The following XYLT1 variants were observed in gnomAD, a reference collection of about 807,000 sequenced individuals.
XYLT1 encodes beta-D-xylosyltransferase 1.
A neutral mutation model predicts 91.3 loss-of-function variants in XYLT1; 36 were observed. That is an observed-to-expected ratio of 0.39 (90% CI 0.30 to 0.52). The LOEUF (loss-of-function observed/expected upper bound fraction) is 0.52, where lower values mean the gene tolerates loss of function less well. XYLT1 is among the 20% of genes least tolerant of loss of function. XYLT1 has a pLI of 0.68. For missense variants in XYLT1, 1,242 were observed against 1,284.5 expected, an observed-to-expected ratio of 0.97 and a Z score of 0.51; for synonymous variants, 588 against 532.0, an observed-to-expected ratio of 1.11 and a Z score of -1.45.
chr16:17,213,821 G>A (rs762556767), intron 3 of XYLT1, among the ~76,000 whole-genome samples: 2 of 152,010 alleles, frequency 1.3e-5, no homozygotes, highest in Non-Finnish European at 2.9e-5. Flanking sequence ...TTTTCACTAT[G>A]TTGGCCAGGC....
chr16:17,246,911 G>C (rs1039251933), intron 3 of XYLT1, among the ~76,000 whole-genome samples: 14 of 152,156 alleles, frequency 9.2e-5, no homozygotes, highest in African/African-American at 3.4e-4. Context: ...ACCCCAGCAG[G>C]GAACAGGCAA....
In XYLT1 at chr16:17,108,723, G is replaced by GC. The variant is rs776911441; in HGVS notation, c.2851dup (p.Ala951GlyfsTer5). ...CCTGAGCCGGCCATCAGGTTTGACT[G>GC]CCCCCAGCTCCGACTTGGGGTCAGG... On this transcript the variant is annotated frameshift_variant, in exon 12 of 12. Transcript: ENST00000261381. LOFTEE classifies it high-confidence loss of function. The GC allele has an allele frequency of 1.3e-6, 2 of 1,588,552 alleles. No homozygotes were observed. Among genetic ancestry groups the GC allele is most frequent in the Non-Finnish European group, 1.7e-6 (2 of 1,168,906 alleles).
chr16:17,433,294 T>C lies in XYLT1; in HGVS notation c.363+37140A>G, dbSNP rs2036413594. 2.0e-5 allele frequency among the ~76,000 whole-genome samples: 3 copies of C among 152,244 alleles called. No individual in the cohort carries two copies. In the South Asian group the frequency reaches 6.2e-4, roughly 31 times the overall value. ...TCTGATGGCAGAAAAAACTCCCATG[T>C]GCTTGGAAGGAAATGAAAACTCTAG... On this transcript the variant is annotated intron_variant, in intron 1 of 11. Coordinates refer to ENST00000261381, the MANE Select transcript of XYLT1 (RefSeq NM_022166.4).
intron 2 of XYLT1, among the ~76,000 whole-genome samples, chr16:17,276,295 G>C (rs1402200008): frequency 1.3e-5 from 2 of 152,230 alleles, no homozygotes; most frequent in Non-Finnish European, 2.9e-5. Context: ...CCATCTTGAA[G>C]GTCTGCTCTC....
At chr16:17,113,948 G>A (rs1391241474) in intron 11 of XYLT1, among the ~76,000 whole-genome samples, 1 of 151,926 alleles carries the variant, frequency 6.6e-6, no homozygotes, top group East Asian at 2.0e-4. Context: ...TGCCAGGAGG[G>A]TGGTGCACCC....
intron 2 of XYLT1, among the ~76,000 whole-genome samples, chr16:17,295,309 C>T (rs1382853464): frequency 6.6e-6 from 1 of 150,964 alleles, no homozygotes; most frequent in Non-Finnish European, 1.5e-5. Flanking sequence ...GGGGATAGAT[C>T]AATAAAGCAT....
intron 6 of XYLT1, among the ~76,000 whole-genome samples, chr16:17,142,221 C>T (rs985107858): frequency 2.6e-5 from 4 of 152,154 alleles, no homozygotes; most frequent in Non-Finnish European, 4.4e-5. Context: ...GACAGGGTCT[C>T]ACGATGTTGC....
chr16:17,135,454 G>T (rs147546682), intron 8 of XYLT1, among the ~76,000 whole-genome samples: 9 of 152,052 alleles, frequency 5.9e-5, no homozygotes, highest in Non-Finnish European at 1.3e-4. Context: ...CCTAGGAGGT[G>T]GAGGTTGCAG....
chr16:17,261,685 A>G (rs115670298), intron 2 of XYLT1, among the ~76,000 whole-genome samples: 6 of 152,144 alleles, frequency 3.9e-5, no homozygotes, highest in African/African-American at 1.2e-4. Context: ...CTAGTGGCCT[A>G]TTGTGTTGCA....
intron 4 of XYLT1, among the ~76,000 whole-genome samples, chr16:17,199,673 G>A (rs962013129): frequency 2.6e-5 from 4 of 152,136 alleles, no homozygotes; most frequent in African/African-American, 4.8e-5. Flanking sequence ...TTTACACCGG[G>A]AAACTTCTTT....
chr16:17,304,768 GA>G (rs1205424462), intron 2 of XYLT1, among the ~76,000 whole-genome samples: 1 of 152,084 alleles, frequency 6.6e-6, no homozygotes, highest in African/African-American at 2.4e-5. Flanking sequence ...GGCTGCTTGG[GA>G]AGGTAACCTA....
At chr16:17,213,428 C>A (rs1416812277) in intron 3 of XYLT1, among the ~76,000 whole-genome samples, 1 of 152,146 alleles carries the variant, frequency 6.6e-6, no homozygotes, top group East Asian at 1.9e-4. Context: ...TCATTTACTC[C>A]TCACAGCAGA....
intron 1 of XYLT1, among the ~76,000 whole-genome samples, chr16:17,367,768 ATAT>A (rs1454600852): frequency 6.6e-6 from 1 of 152,194 alleles, no homozygotes; most frequent in South Asian, 2.1e-4. Context: ...CGAGGAGCAG[ATAT>A]TATTAATAGA....
chr16:17,274,334 T>C (rs951681999), intron 2 of XYLT1, among the ~76,000 whole-genome samples: 1 of 152,246 alleles, frequency 6.6e-6, no homozygotes, highest in East Asian at 1.9e-4. Flanking sequence ...ATTTCATTTC[T>C]GGTTGGGTGA....
At chr16:17,202,628 C>T (rs577516570) in intron 3 of XYLT1, among the ~76,000 whole-genome samples, 11 of 152,310 alleles carry the variant, frequency 7.2e-5, no homozygotes, top group African/African-American at 2.6e-4. Context: ...AAAAAGGGGA[C>T]TCACCACCAC....
chr16:17,381,026 A>T (rs138239791), intron 1 of XYLT1, among the ~76,000 whole-genome samples: 1 of 152,160 alleles, frequency 6.6e-6, no homozygotes, highest in African/African-American at 2.4e-5. Flanking sequence ...GAGGGGCTAT[A>T]CTTTGTTGTC....
chr16:17,455,999 T>A (rs2141954840), intron 1 of XYLT1, among the ~76,000 whole-genome samples: 1 of 152,354 alleles, frequency 6.6e-6, no homozygotes, highest in Admixed American at 6.5e-5. Flanking sequence ...ATCGCTGTAA[T>A]TATTATTTTA....
At chr16:17,423,272 G>T (rs1175920160) in intron 1 of XYLT1, among the ~76,000 whole-genome samples, 1 of 152,144 alleles carries the variant, frequency 6.6e-6, no homozygotes, top group Non-Finnish European at 1.5e-5. Context: ...AGCGCCTGAT[G>T]TTTCATCTCA....
At chr16:17,253,830 G>A (rs945219807) in intron 3 of XYLT1, among the ~76,000 whole-genome samples, 1 of 132,600 alleles carries the variant, frequency 7.5e-6, no homozygotes, top group Non-Finnish European at 1.6e-5. Flanking sequence ...ACTTGAGAGA[G>A]AGAGAGAGAG....
Sources: allele counts gnomAD v4.1 joint callset (sites outside exome capture counted in the v4.1 genomes callset), GRCh38; gene constraint gnomAD v4.1.1; transcripts MANE v1.5; gene names NCBI Gene and HGNC (gene_info 2026-07-23, HGNC 2026-07-21).